EVC2: variants seen among roughly 807,000 people sequenced by gnomAD.
The protein encoded by EVC2 is limbin.
Under a neutral mutation model 149.3 loss-of-function variants are expected in EVC2, and 148 were observed. The observed-to-expected ratio is 0.99, with a 90% CI of 0.87 to 1.14. The LOEUF (loss-of-function observed/expected upper bound fraction) is 1.14, where lower values mean the gene tolerates loss of function less well. Ranked by LOEUF, EVC2 falls within the 50% of genes most tolerant of loss-of-function variation. The pLI is 0.00. For missense variants in EVC2, 1,854 were observed against 1,627.3 expected, an observed-to-expected ratio of 1.14 and a Z score of -2.40; for synonymous variants, 776 against 649.9, an observed-to-expected ratio of 1.19 and a Z score of -2.95.
chr4:5,626,491 G>T (rs142400738), intron 12 of EVC2, among the ~76,000 whole-genome samples: 2 of 151,944 alleles, frequency 1.3e-5, no homozygotes, highest in African/African-American at 4.8e-5. Context: ...GTGCCACCAC[G>T]CCAGCTAATT....
intron 16 of EVC2, among the ~76,000 whole-genome samples, chr4:5,610,592 C>T (rs1204894255): frequency 6.6e-6 from 1 of 152,026 alleles, no homozygotes; most frequent in Non-Finnish European, 1.5e-5. Flanking sequence ...AAACCATAGA[C>T]ATGAGCTCAG....
chr4:5,554,464 T>C (rs1480696167), intron 21 of EVC2, among the ~76,000 whole-genome samples: 1 of 152,230 alleles, frequency 6.6e-6, no homozygotes, highest in Non-Finnish European at 1.5e-5. Context: ...GTTTTACCTA[T>C]AGCAACCTCA....
intron 8 of EVC2, among the ~76,000 whole-genome samples, chr4:5,664,013 T>G (rs913291526): frequency 6.6e-6 from 1 of 152,202 alleles, no homozygotes; most frequent in Non-Finnish European, 1.5e-5. Flanking sequence ...GGATAAGAGA[T>G]ATCTGTGTTG....
chr4:5,529,744 C>G, the EVC2 span, among the ~76,000 whole-genome samples: 1 of 151,452 alleles, frequency 6.6e-6, no homozygotes. The surrounding 1 kb of genome is among the most constrained non-coding windows in gnomAD (Gnocchi z 4.5). Flanking sequence ...AATTTGTGTT[C>G]CAGAACTTAC....
chr4:5,591,800 A>C (rs760648140), intron 16 of EVC2, among the ~76,000 whole-genome samples: 1 of 152,206 alleles, frequency 6.6e-6, no homozygotes, highest in Non-Finnish European at 1.5e-5. Flanking sequence ...TTGCATTTCT[A>C]TGAGGTATTA....
intron 12 of EVC2, among the ~76,000 whole-genome samples, chr4:5,626,391 T>G (rs1489774901): frequency 1.3e-5 from 2 of 148,612 alleles, no homozygotes; most frequent in African/African-American, 5.0e-5. Flanking sequence ...TGGAGTGCAG[T>G]GGCACCATCT....
At chr4:5,646,964 T>C (rs1717763502) in intron 9 of EVC2, among the ~76,000 whole-genome samples, 1 of 152,208 alleles carries the variant, frequency 6.6e-6, no homozygotes. Flanking sequence ...ACTGGGCATA[T>C]ACCTTGCGGG....
intron 9 of EVC2, among the ~76,000 whole-genome samples, chr4:5,647,983 GA>G (rs1195070969): frequency 6.6e-6 from 1 of 152,146 alleles, no homozygotes; most frequent in East Asian, 1.9e-4. Flanking sequence ...CAAGAAGCCG[GA>G]AAAGGCCAGG....
intron 6 of EVC2, among the ~76,000 whole-genome samples, chr4:5,682,249 G>C (rs1479106559): frequency 6.6e-6 from 1 of 152,126 alleles, no homozygotes; most frequent in Non-Finnish European, 1.5e-5. Context: ...CCAGCACTTT[G>C]GAAGGCCAAG....
intron 16 of EVC2, among the ~76,000 whole-genome samples, chr4:5,601,740 C>T (rs1224658034): frequency 1.3e-5 from 2 of 152,116 alleles, no homozygotes; most frequent in Non-Finnish European, 2.9e-5. Context: ...CCTATGTGCC[C>T]TTTCCCAGGA....
chr4:5,529,838 C>T, the EVC2 span, among the ~76,000 whole-genome samples: 14 of 126,298 alleles, frequency 1.1e-4, no homozygotes, highest in African/African-American at 3.5e-4. This position sits in a 1 kb window ranked among gnomAD's most constrained non-coding sequence, Gnocchi z 4.5. Flanking sequence ...TTTTTTTTGA[C>T]GGAGTCTCAC....
intron 7 of EVC2, 145 bp from the exon 8 acceptor site, chr4:5,665,794 G>A (rs1719241537): frequency 5.2e-6 from 7 of 1,344,916 alleles, no homozygotes; most frequent in Non-Finnish European, 7.2e-6. Flanking sequence ...GCTACCAGCT[G>A]GCTGCCTGGA....
intron 1 of EVC2, chr4:5,708,037 GGA>G (rs998052255): frequency 7.4e-6 from 3 of 402,854 alleles, no homozygotes; most frequent in African/African-American, 4.2e-5. Context: ...ATGGAGAGCA[GGA>G]TTCGAACCAG....
In EVC2 at chr4:5,623,087, T is replaced by C. The variant is rs1045594611; in HGVS notation, c.2047-96A>G. ...TGTTGCAGGAAGCACAGAATGTTTA[T>C]AGCCTTTTCCCCAACAATCTCACAT... On this transcript the variant is annotated intron_variant, in intron 13 of 21. Transcript: ENST00000344408. 18 of 1,130,086 alleles carry C rather than the reference T, an allele frequency of 1.6e-5. No homozygotes were observed. In the Admixed American group the frequency reaches 2.2e-4, roughly 14 times the overall value. The allele number at this position is 1,130,086 out of a possible 1,614,324, so 70.0% of individuals were successfully genotyped here.
intron 9 of EVC2, among the ~76,000 whole-genome samples, chr4:5,655,371 C>G (rs1165063464): frequency 1.3e-5 from 2 of 152,124 alleles, no homozygotes; most frequent in Non-Finnish European, 2.9e-5. Context: ...CACAGGTTAT[C>G]TGTATCATGG....
downstream of EVC2, among the ~76,000 whole-genome samples, chr4:5,538,095 G>T (rs1420022989): frequency 6.7e-6 from 1 of 150,374 alleles, no homozygotes; most frequent in African/African-American, 2.4e-5. Flanking sequence ...AAGAAGGAAG[G>T]GAAGCAGGGA....
At chr4:5,602,673 G>A (rs1033238992) in intron 16 of EVC2, among the ~76,000 whole-genome samples, 1 of 151,886 alleles carries the variant, frequency 6.6e-6, no homozygotes, top group Non-Finnish European at 1.5e-5. Flanking sequence ...TCAACTGTAG[G>A]TAACATTTAC....
At chr4:5,615,351 A>G in intron 16 of EVC2, 71 bp downstream of exon 16, 1 of 1,610,092 alleles carries the variant, frequency 6.2e-7, no homozygotes. Context: ...GTGTGCCTGC[A>G]AATGTGTCAG....
In EVC2 at chr4:5,706,453, C is replaced by CATAGATAG. The variant is rs1560243918; in HGVS notation, c.228+1832_228+1833insCTATCTAT. On this transcript the variant is annotated intron_variant, in intron 1 of 21. Coordinates refer to ENST00000344408, the MANE Select transcript of EVC2 (RefSeq NM_147127.5). ...ACATAGATAGATAGATAGATACATA[C>CATAGATAG]ATACATACATACATACATACATAGA... Among the ~76,000 whole-genome samples the CATAGATAG allele has an allele frequency of 9.5e-3, 371 of 39,012 alleles. 3 individuals carry two copies. Among genetic ancestry groups the CATAGATAG allele is most frequent in the East Asian group, 0.031 (33 of 1,064 alleles). 25.6% of individuals were successfully genotyped at this position (39,012 alleles called of 152,430 possible). A position where few individuals can be genotyped will look rare whatever the true frequency, so the allele number is the denominator to read the frequency against.
Sources: allele counts gnomAD v4.1 joint callset (sites outside exome capture counted in the v4.1 genomes callset), GRCh38; gene constraint gnomAD v4.1.1; non-coding constraint Gnocchi (gnomAD v3.1); transcripts MANE v1.5; gene names NCBI Gene and HGNC (gene_info 2026-07-23, HGNC 2026-07-21).